CEP290: variants seen among roughly 807,000 people sequenced by gnomAD.
The protein encoded by CEP290 is centrosomal protein of 290 kDa.
Under a neutral mutation model 344.9 loss-of-function variants are expected in CEP290, and 317 were observed. The ratio of observed to expected loss-of-function variants is 0.92; its 90% confidence interval spans 0.84 to 1.01. The LOEUF (loss-of-function observed/expected upper bound fraction) is 1.01. Ranked by LOEUF, CEP290 falls within the 50% of genes least tolerant of loss-of-function variation. CEP290 has a pLI of 0.00. For synonymous variants in CEP290, 932 were observed against 895.8 expected (o/e 1.04, Z -0.72); for missense variants, 2,754 against 2,761.4 (o/e 1.00, Z 0.06).
At chr12:88,136,855 A>G (rs2040380868) in intron 5 of CEP290, 69 bp from the exon 6 acceptor site, 3 of 1,342,666 alleles carry the variant, frequency 2.2e-6, no homozygotes, top group Non-Finnish European at 3.2e-6. Context: ...GTCAACAACA[A>G]GCAAATAATT....
rs2039900054 is a variant in CEP290, at chr12:88,128,994, T to A, written c.894A>T (p.Glu298Asp). ...LTDLLKSKNE[E>D]DDPIMVAVNA... ...TGACAGCTACCATAATTGGATCATC[T>A]TCTTCATTTTTTGATTTCAGAAGAT... is the stretch of plus-strand genomic sequence containing the variant. Residue 298 changes from glutamate to aspartate, a missense_variant, in exon 11 of 54, where the codon GAA becomes GAT. Physicochemically the swap from Glu to Asp is conservative, Grantham distance 45 (BLOSUM62 2). Transcript: ENST00000552810. The A allele has an allele frequency of 2.6e-6, 4 of 1,539,694 alleles. No individual in the cohort carries two copies. The highest frequency in any genetic ancestry group is 2.7e-5 in the South Asian group (2 of 75,448).
chr12:88,083,542 A>G (rs560823457), intron 36 of CEP290, among the ~76,000 whole-genome samples: 4 of 152,340 alleles, frequency 2.6e-5, no homozygotes, highest in African/African-American at 9.6e-5. Flanking sequence ...ATGGAACAGA[A>G]TGGTCAAAAG....
At chr12:88,076,833 T>G (rs2035812754) in intron 41 of CEP290, among the ~76,000 whole-genome samples, 2 of 152,016 alleles carry the variant, frequency 1.3e-5, no homozygotes, top group South Asian at 4.1e-4. Context: ...TGGGGTATCT[T>G]AAAATGTCTA....
chr12:88,091,687 G>T (rs1373383536), intron 29 of CEP290, among the ~76,000 whole-genome samples: 1 of 152,044 alleles, frequency 6.6e-6, no homozygotes, highest in East Asian at 1.9e-4. Flanking sequence ...AAAAAAAAGG[G>T]TCTTTCATAG....
chr12:88,125,389 A>T lies in CEP290; in HGVS notation c.1066-20T>A, dbSNP rs1472056992. On this transcript the variant is annotated intron_variant, in intron 12 of 53. Coordinates refer to ENST00000552810, the MANE Select transcript of CEP290 (RefSeq NM_025114.4). ...TATACCCTATAAAATATTTTAAAAC[A>T]ATATATATCCCTTCATGAATATTAA... is the stretch of plus-strand genomic sequence containing the variant. 2.5e-6 allele frequency: 3 copies of T among 1,197,910 alleles called. No homozygotes were observed. In the East Asian group the frequency reaches 9.5e-5, roughly 38 times the overall value. 74.2% of individuals were successfully genotyped at this position (1,197,910 alleles called of 1,614,324 possible). A position where few individuals can be genotyped will look rare whatever the true frequency, so the allele number is the denominator to read the frequency against.
intron 23 of CEP290, among the ~76,000 whole-genome samples, chr12:88,108,278 T>C (rs2038433723): frequency 1.3e-5 from 2 of 152,106 alleles, no homozygotes; most frequent in Admixed American, 1.3e-4. Flanking sequence ...TTCTAGCAAA[T>C]GAGATCGGAG....
intron 31 of CEP290, 26 bp from the exon 32 acceptor site, chr12:88,087,970 A>T: frequency 1.1e-6 from 1 of 912,190 alleles, no homozygotes; most frequent in Non-Finnish European, 1.5e-6. Context: ...TATATACACA[A>T]ATATAAATGC....
rs1555211687 is a variant in CEP290 at position 88,092,847 on chromosome 12, C to CA, written c.3310-16dup. ...ATTTTGGTAAGCTAAGGAAATGTAA[C>CA]AAAAAATGTTCAGATACATCAATTT... On this transcript the variant is annotated splice_polypyrimidine_tract_variant and intron_variant, in intron 28 of 53. Transcript: ENST00000552810. 1 of 1,605,568 alleles carries CA rather than the reference C, an allele frequency of 6.2e-7. No individual in the cohort carries two copies. The highest frequency in any genetic ancestry group is 8.5e-7 in the Non-Finnish European group (1 of 1,177,488).
At chr12:88,128,913 G>A in intron 11 of CEP290, 33 bp downstream of exon 11, 3 of 1,321,438 alleles carry the variant, frequency 2.3e-6, no homozygotes, top group South Asian at 1.6e-5. Flanking sequence ...AATACAAAAA[G>A]AAAAAGTTAT....
intron 20 of CEP290, among the ~76,000 whole-genome samples, chr12:88,112,552 T>G (rs2038767020): frequency 6.6e-6 from 1 of 152,096 alleles, no homozygotes; most frequent in Non-Finnish European, 1.5e-5. Context: ...CATATCTAAG[T>G]ATATACACAC....
intron 6 of CEP290, chr12:88,135,757 A>G (rs533427902): frequency 6.6e-6 from 1 of 152,260 alleles, no homozygotes. Context: ...AACAATGGAC[A>G]AAATAAAATA....
rs573710116 is a variant in CEP290, at chr12:88,080,499, G to A, written c.5013-104C>T. On this transcript the variant is annotated intron_variant, in intron 37 of 53. Coordinates refer to ENST00000552810, the MANE Select transcript of CEP290 (RefSeq NM_025114.4). ...GGCTGGAGTGCAGCAGCGCAATCTC[G>A]GCTGACTGCAACCTCTGCCTCCCAG... The A allele has an allele frequency of 1.3e-4, 96 of 761,636 alleles. 1 individual carries two copies. In the South Asian group the frequency reaches 1.7e-3, roughly 14 times the overall value. 47.2% of individuals were successfully genotyped at this position (761,636 alleles called of 1,614,324 possible). A position where few individuals can be genotyped will look rare whatever the true frequency, so the allele number is the denominator to read the frequency against.
intron 26 of CEP290, among the ~76,000 whole-genome samples, chr12:88,101,394 C>T (rs1315756396): frequency 1.3e-5 from 2 of 149,458 alleles, no homozygotes; most frequent in African/African-American, 2.5e-5. Flanking sequence ...GGCAGGAGAA[C>T]GGCCTGAACC....
rs45465996 is a variant in CEP290, at chr12:88,111,856, A to G, written c.2055T>C (p.Ala685=). ...TTCCTTCTGCATTCTTTGATTCTAT[A>G]GCCTAGCAAATTTATATTATATATT... ...IIPSLERLVN[A]IESKNAEGIF... The change falls in exon 21 of 54, where the codon GCT becomes GCC. Residue 685 remains alanine, a splice_region_variant and synonymous_variant. Coordinates refer to ENST00000552810, the MANE Select transcript of CEP290 (RefSeq NM_025114.4). 237,440 of 1,560,026 alleles carry G rather than the reference A, an allele frequency of 0.15. 20,067 individuals carry two copies. The highest frequency in any genetic ancestry group is 0.26 in the Middle Eastern group (1,529 of 5,938).
chr12:88,130,012 T>C (rs1209739729), intron 9 of CEP290, 136 bp from the exon 10 acceptor site: 5 of 651,690 alleles, frequency 7.7e-6, no homozygotes, highest in East Asian at 3.2e-5. Context: ...CTAATTGGCA[T>C]TGACCAATTA....
chr12:88,087,552 C>T (rs1234960515), intron 32 of CEP290, among the ~76,000 whole-genome samples: 1 of 151,624 alleles, frequency 6.6e-6, no homozygotes, highest in African/African-American at 2.4e-5. Context: ...AACCCCGTCT[C>T]TACTAAAAAT....
At chr12:88,054,274 A>G (rs2033816291) in intron 51 of CEP290, 66 bp downstream of exon 51, 2 of 1,008,800 alleles carry the variant, frequency 2.0e-6, no homozygotes, top group Middle Eastern at 2.5e-4. Context: ...AATTCGGAGT[A>G]TATAAAAACT....
chr12:88,116,749 C>T (rs1188140902), intron 18 of CEP290, among the ~76,000 whole-genome samples: 4 of 151,740 alleles, frequency 2.6e-5, no homozygotes, highest in African/African-American at 4.8e-5. Flanking sequence ...CCGAGGCGGG[C>T]GGATCACGAG....
At chr12:88,106,529 C>A in intron 25 of CEP290, 146 bp downstream of exon 25, 1 of 592,284 alleles carries the variant, frequency 1.7e-6, no homozygotes. Flanking sequence ...TCAAACATCC[C>A]ACAAAAATCA....
Sources: gnomAD v4.1 joint callset for allele counts (sites outside exome capture counted in the v4.1 genomes callset) on GRCh38, gnomAD v4.1.1 for gene constraint, MANE v1.5 for transcripts, NCBI Gene and HGNC (gene_info 2026-07-23, HGNC 2026-07-21) for gene names.